RFX3: variants seen among roughly 807,000 people sequenced by gnomAD.
RFX3 encodes the protein regulatory factor X3.
Under a neutral mutation model 98.6 loss-of-function variants are expected in RFX3, and 14 were observed. That is an observed-to-expected ratio of 0.14 (90% CI 0.09 to 0.22). RFX3 has a LOEUF of 0.22. Ranked by LOEUF, RFX3 falls within the 10% of genes least tolerant of loss-of-function variation. RFX3 has a pLI of 1.00. For synonymous variants in RFX3, 383 were observed against 328.4 expected (o/e 1.17, Z -1.80); for missense variants, 639 against 926.9 (o/e 0.69, Z 4.03).
At chr9:3,423,284 C>T (rs934543445) in intron 1 of RFX3, among the ~76,000 whole-genome samples, 2 of 152,120 alleles carry the variant, frequency 1.3e-5, no homozygotes, top group African/African-American at 4.8e-5. Context: ...TATTCCACTC[C>T]TAAGTATTGA....
chr9:3,453,583 G>C (rs1846871872), intron 1 of RFX3: 1 of 153,286 alleles, frequency 6.5e-6, no homozygotes, highest in African/African-American at 2.4e-5. Flanking sequence ...GGTGGCACAT[G>C]CCCGTAATCC....
chr9:3,365,660 G>C (rs1048025649), intron 2 of RFX3, among the ~76,000 whole-genome samples: 10 of 152,058 alleles, frequency 6.6e-5, no homozygotes, highest in African/African-American at 2.4e-4. Context: ...CCAGTATTCT[G>C]ATAACAAAAC....
At chr9:3,410,323 T>G (rs1227159661) in intron 1 of RFX3, among the ~76,000 whole-genome samples, 1 of 152,076 alleles carries the variant, frequency 6.6e-6, no homozygotes, top group African/African-American at 2.4e-5. Flanking sequence ...TATCTTGGTG[T>G]TCCATGCTCA....
At chr9:3,518,966 A>C (rs182177138) in intron 1 of RFX3, among the ~76,000 whole-genome samples, 1 of 152,204 alleles carries the variant, frequency 6.6e-6, no homozygotes, top group Non-Finnish European at 1.5e-5. Context: ...TGATAAACTC[A>C]TCTTTACACA....
At chr9:3,391,503 A>G (rs1840307477) in intron 2 of RFX3, among the ~76,000 whole-genome samples, 1 of 152,212 alleles carries the variant, frequency 6.6e-6, no homozygotes, top group African/African-American at 2.4e-5. Flanking sequence ...GTAAAGGAAT[A>G]TAAGGTATCA....
rs1389693124 is a variant in RFX3 at position 3,366,707 on chromosome 9, TTTCTTTCTTTC to T, written c.118-19954_118-19944del. 4.0e-5 allele frequency among the ~76,000 whole-genome samples: 5 copies of T among 125,224 alleles called. 1 individual carries two copies. Among genetic ancestry groups the T allele is most frequent in the East Asian group, 5.2e-4 (2 of 3,816 alleles). The allele number at this position is 125,224 out of a possible 152,430, so 82.2% of individuals were successfully genotyped here. ...CTTCTTTCTTTCCTTTCTTTCTTTC[TTTCTTTCTTTC>T]TTTCTTTCTTTCTTTCTTTCTTTCT... On this transcript the variant is annotated intron_variant, in intron 2 of 16. Coordinates refer to ENST00000617270, the MANE Select transcript of RFX3 (RefSeq NM_001282116.2).
At chr9:3,368,343 T>C (rs946584475) in intron 2 of RFX3, among the ~76,000 whole-genome samples, 1 of 152,170 alleles carries the variant, frequency 6.6e-6, no homozygotes, top group African/African-American at 2.4e-5. Context: ...TCTGAATCCT[T>C]TTTAGTAAAA....
Position 3,493,699 on chromosome 9 carries a change from AAATATATAT to A in RFX3, c.-9+32039_-9+32047del, listed in dbSNP as rs1158044423. 6.0e-3 allele frequency among the ~76,000 whole-genome samples: 615 copies of A among 101,832 alleles called. 1 individual carries two copies. Among genetic ancestry groups the A allele is most frequent in the African/African-American group, 0.012 (222 of 17,936 alleles). 66.8% of individuals were successfully genotyped at this position (101,832 alleles called of 152,430 possible). A position where few individuals can be genotyped will look rare whatever the true frequency, so the allele number is the denominator to read the frequency against. ...ACTCATCTCAAAAAAAAAAAAAAAAAAATATATATATATATATATATATATATACATACA... is the reference window on the plus strand; with the variant it reads ...ACTCATCTCAAAAAAAAAAAAAAAAAATATATATATATATATATACATACA... On this transcript the variant is annotated intron_variant, in intron 1 of 16. Coordinates refer to ENST00000617270, the MANE Select transcript of RFX3 (RefSeq NM_001282116.2).
intron 2 of RFX3, among the ~76,000 whole-genome samples, chr9:3,386,617 G>A (rs1275546363): frequency 6.6e-6 from 1 of 152,010 alleles, no homozygotes; most frequent in African/African-American, 2.4e-5. Context: ...AATACAAGAG[G>A]AAGCCCAGAA....
intron 1 of RFX3, among the ~76,000 whole-genome samples, chr9:3,417,390 C>T (rs915713476): frequency 2.6e-5 from 4 of 152,016 alleles, no homozygotes; most frequent in East Asian, 1.9e-4. Context: ...TTCTCAAGTA[C>T]ACACAAAACA....
At chr9:3,307,851 A>T (rs1586970953) in intron 4 of RFX3, among the ~76,000 whole-genome samples, 1 of 152,338 alleles carries the variant, frequency 6.6e-6, no homozygotes, top group East Asian at 1.9e-4. Flanking sequence ...CCTCAGTGAT[A>T]TCTCTCTTCT....
chr9:3,399,194 G>A (rs922349348), intron 1 of RFX3, among the ~76,000 whole-genome samples: 1 of 151,664 alleles, frequency 6.6e-6, no homozygotes, highest in African/African-American at 2.4e-5. Context: ...CAACACTTTG[G>A]GAGGCCAAGG....
rs375269800 is a variant in RFX3, at chr9:3,376,220, T to C, written c.117+19252A>G. Among the ~76,000 whole-genome samples, 110 of 152,322 alleles carry C rather than the reference T, an allele frequency of 7.2e-4. 1 individual carries two copies. The South Asian group carries it at 0.022, about 30-fold the overall frequency. On this transcript the variant is annotated intron_variant, in intron 2 of 16. Coordinates refer to ENST00000617270, the MANE Select transcript of RFX3 (RefSeq NM_001282116.2). The stretch of plus-strand genomic sequence containing the variant: ...CAAAGATGTCAAGCAAGTAGAACTC[T>C]CATATACTGCTGGTGGGAATATAAA...
chr9:3,392,656 G>C (rs889038448), intron 2 of RFX3, among the ~76,000 whole-genome samples: 1 of 151,866 alleles, frequency 6.6e-6, no homozygotes. Flanking sequence ...TTTGAAAATA[G>C]GCCTGCATCA....
intron 3 of RFX3, among the ~76,000 whole-genome samples, chr9:3,341,574 G>A (rs1015034346): frequency 6.6e-6 from 1 of 152,090 alleles, no homozygotes; most frequent in African/African-American, 2.4e-5. Context: ...GGTACTTAAA[G>A]CCACCAAGTA....
intron 4 of RFX3, among the ~76,000 whole-genome samples, chr9:3,320,692 A>G (rs532287966): frequency 7.0e-6 from 1 of 143,316 alleles, no homozygotes; most frequent in Non-Finnish European, 1.5e-5. Context: ...AAATGTGTAC[A>G]TATGTGTGTG....
intron 15 of RFX3, among the ~76,000 whole-genome samples, chr9:3,245,138 G>A (rs1458547810): frequency 1.3e-5 from 2 of 152,178 alleles, no homozygotes; most frequent in African/African-American, 4.8e-5. Context: ...TTAGTATTGT[G>A]GAGCTTCTAG....
At chr9:3,497,884 A>G (rs1247764684) in intron 1 of RFX3, among the ~76,000 whole-genome samples, 1 of 151,998 alleles carries the variant, frequency 6.6e-6, no homozygotes, top group Non-Finnish European at 1.5e-5. Context: ...ATGAAATATA[A>G]TAGGTCACAA....
intron 4 of RFX3, among the ~76,000 whole-genome samples, chr9:3,314,035 C>A (rs1587000906): frequency 6.6e-6 from 1 of 152,238 alleles, no homozygotes; most frequent in East Asian, 1.9e-4. Context: ...CACAAAGATA[C>A]TCCTCGAGAA....
Sources: gnomAD v4.1 joint callset for allele counts (sites outside exome capture counted in the v4.1 genomes callset) on GRCh38, gnomAD v4.1.1 for gene constraint, MANE v1.5 for transcripts, NCBI Gene and HGNC (gene_info 2026-07-23, HGNC 2026-07-21) for gene names.